KDM7A: variants seen among roughly 807,000 people sequenced by gnomAD.
KDM7A encodes lysine-specific demethylase 7A.
In KDM7A, 28 loss-of-function variants were observed where a neutral mutation model predicts 114.8. The ratio of observed to expected loss-of-function variants is 0.24; its 90% CI spans 0.18 to 0.33. KDM7A has a LOEUF of 0.33. Among genes scored for constraint, KDM7A ranks in the 10% least tolerant of loss-of-function variants. The pLI, the probability that KDM7A is intolerant of heterozygous loss-of-function variation, is 1.00. For synonymous variants in KDM7A, 423 were observed against 397.8 expected (o/e 1.06, Z -0.75); for missense variants, 942 against 1,142.5 (o/e 0.82, Z 2.53).
At chr7:140,108,612 G>C (rs1438571268) in intron 11 of KDM7A, among the ~76,000 whole-genome samples, 1 of 152,202 alleles carries the variant, frequency 6.6e-6, no homozygotes, top group African/African-American at 2.4e-5. Flanking sequence ...AAAGGTTGCT[G>C]CCTGATCCTT....
intron 1 of KDM7A, among the ~76,000 whole-genome samples, chr7:140,145,142 G>A (rs1263217810): frequency 6.6e-6 from 1 of 152,106 alleles, no homozygotes; most frequent in Non-Finnish European, 1.5e-5. Flanking sequence ...CCATTCCTAT[G>A]TATTTATGTG....
intron 1 of KDM7A, among the ~76,000 whole-genome samples, chr7:140,159,013 C>A (rs1045490043): frequency 6.6e-6 from 1 of 152,134 alleles, no homozygotes. Flanking sequence ...GGATGTCAGT[C>A]AAGAAAAGGG....
intron 1 of KDM7A, among the ~76,000 whole-genome samples, chr7:140,144,076 A>C (rs1794313728): frequency 6.6e-6 from 1 of 152,238 alleles, no homozygotes; most frequent in Non-Finnish European, 1.5e-5. Flanking sequence ...AAAGGTTAAG[A>C]ATCACTGGAT....
intron 7 of KDM7A, among the ~76,000 whole-genome samples, chr7:140,122,336 T>C (rs964014029): frequency 6.6e-6 from 1 of 151,110 alleles, no homozygotes; most frequent in African/African-American, 2.4e-5. Context: ...AAAATTATTC[T>C]ATGAATGTCA....
chr7:140,115,501 C>T (rs1585147102), intron 9 of KDM7A, among the ~76,000 whole-genome samples: 1 of 152,148 alleles, frequency 6.6e-6, no homozygotes, highest in South Asian at 2.1e-4. Flanking sequence ...TACCCCCAAC[C>T]CCGTGCTCTC....
intron 1 of KDM7A, among the ~76,000 whole-genome samples, chr7:140,148,071 G>A (rs1177642590): frequency 6.6e-6 from 1 of 152,136 alleles, no homozygotes; most frequent in Admixed American, 6.5e-5. Flanking sequence ...CCAGGTTCCA[G>A]TCAGCCAACA....
chr7:140,150,467 A>G (rs1437279747), intron 1 of KDM7A, among the ~76,000 whole-genome samples: 1 of 152,242 alleles, frequency 6.6e-6, no homozygotes, highest in Non-Finnish European at 1.5e-5. Context: ...GCCTTTCAAA[A>G]GAATGATGCA....
chr7:140,117,526 C>T (rs994423606), intron 9 of KDM7A, among the ~76,000 whole-genome samples: 2 of 151,736 alleles, frequency 1.3e-5, no homozygotes, highest in Non-Finnish European at 2.9e-5. Flanking sequence ...AAGACAGGAA[C>T]TTGGAGTCTT....
At chr7:140,130,440 G>T (rs946496824) in intron 3 of KDM7A, among the ~76,000 whole-genome samples, 1 of 151,982 alleles carries the variant, frequency 6.6e-6, no homozygotes, top group African/African-American at 2.4e-5. Flanking sequence ...GACCAACATG[G>T]TGAAACCTCG....
chr7:140,107,182 G>C (rs1252189169), intron 11 of KDM7A, among the ~76,000 whole-genome samples: 4 of 152,030 alleles, frequency 2.6e-5, no homozygotes, highest in Admixed American at 2.6e-4. Context: ...ACGTCAGATG[G>C]GTCTCTGAAT....
rs1452702631 is a variant in KDM7A, at chr7:140,096,723, G to C, written c.2206C>G (p.Gln736Glu). The stretch of plus-strand genomic sequence containing the variant: ...AACCCTGCCATAGACAGCATGCCCT[G>C]AATAGCTTCTTCCTCTGTGCTCGTC... ...TSTSTEEEAI[Q>E]GMLSMAGLHY... is the part of the protein sequence containing the mutation. The change falls in exon 17 of 20, where the codon CAG becomes GAG. Residue 736 changes from glutamine to glutamate, a missense_variant. By Grantham distance (29) the Gln-to-Glu change is conservative. Transcript: ENST00000397560. 1.2e-6 allele frequency: 2 copies of C among 1,614,038 alleles called. No homozygotes were observed. The highest frequency in any genetic ancestry group is 1.3e-5 in the African/African-American group (1 of 74,906).
chr7:140,120,068 A>G (rs111400463), intron 8 of KDM7A, among the ~76,000 whole-genome samples: 16 of 152,348 alleles, frequency 1.1e-4, no homozygotes, highest in African/African-American at 3.8e-4. Flanking sequence ...GTGTTTTGAT[A>G]GCAGTCCTGA....
intron 13 of KDM7A, 149 bp downstream of exon 13, chr7:140,099,750 T>A (rs1818172411): frequency 1.5e-6 from 1 of 666,842 alleles, no homozygotes; most frequent in Non-Finnish European, 2.7e-6. Context: ...TGCAACAGTT[T>A]AATCCCAAAA....
chr7:140,096,972 C>T lies in KDM7A; in HGVS notation c.2092G>A (p.Glu698Lys), dbSNP rs1818126308. Residue 698 changes from glutamate (E) to lysine (K), a missense_variant, in exon 16 of 20, where the codon GAG becomes AAG. By Grantham distance (56) the Glu-to-Lys change is moderately conservative (BLOSUM62 1). Transcript: ENST00000397560. ...KKQEITSNFK[E>K]ESNVMRNFLQ... ...AAGTTCCTCATCACATTAGATTCCT[C>T]CTTAAAGTTGGATGTTATTTCTTGT... 8 of 1,612,936 alleles carry T rather than the reference C, an allele frequency of 5.0e-6. No homozygotes were observed. Among genetic ancestry groups the T allele is most frequent in the Non-Finnish European group, 6.8e-6 (8 of 1,179,146 alleles).
chr7:140,112,749 A>G (rs985980347), intron 10 of KDM7A, among the ~76,000 whole-genome samples: 2 of 152,264 alleles, frequency 1.3e-5, no homozygotes, highest in Non-Finnish European at 2.9e-5. Flanking sequence ...AAGAGCTCAC[A>G]GACCCAGTTG....
chr7:140,168,999 G>T (rs1175314169), intron 1 of KDM7A, among the ~76,000 whole-genome samples: 1 of 152,162 alleles, frequency 6.6e-6, no homozygotes, highest in Non-Finnish European at 1.5e-5. Flanking sequence ...AAAGACAAAT[G>T]TGTGTGCATG....
At chr7:140,142,067 ATATT>A (rs969084535) in intron 1 of KDM7A, among the ~76,000 whole-genome samples, 20 of 147,764 alleles carry the variant, frequency 1.4e-4, no homozygotes, top group Non-Finnish European at 1.8e-4. Context: ...TATATAAAAG[ATATT>A]TATATATCTT....
At chr7:140,100,730 A>T (rs1194157359) in intron 12 of KDM7A, among the ~76,000 whole-genome samples, 10 of 56,616 alleles carry the variant, frequency 1.8e-4, no homozygotes, top group African/African-American at 7.3e-4. Context: ...ATATATATAT[A>T]TATATATATA....
chr7:140,123,378 T>C (rs1369119313), intron 7 of KDM7A, among the ~76,000 whole-genome samples: 1 of 152,168 alleles, frequency 6.6e-6, no homozygotes, highest in East Asian at 1.9e-4. Flanking sequence ...CATAAAAAAC[T>C]GTATACAAAT....
Sources: gnomAD v4.1 joint callset for allele counts (sites outside exome capture counted in the v4.1 genomes callset) on GRCh38, gnomAD v4.1.1 for gene constraint, MANE v1.5 for transcripts, NCBI Gene and HGNC (gene_info 2026-07-23, HGNC 2026-07-21) for gene names.